BTBD9: variants seen among roughly 807,000 people sequenced by gnomAD.
BTBD9 encodes the protein BTB/POZ domain-containing protein 9.
A neutral mutation model predicts 64.3 loss-of-function variants in BTBD9; 49 were observed. That is an observed-to-expected ratio of 0.76 (90% CI 0.61 to 0.97). BTBD9 has a LOEUF of 0.97. BTBD9 is among the 50% of genes least tolerant of loss of function. BTBD9 has a pLI of 0.00. For missense variants in BTBD9, 598 were observed against 762.1 expected (o/e 0.78, Z 2.53); for synonymous variants, 260 against 274.7 (o/e 0.95, Z 0.53).
At chr6:38,493,457 T>A (rs1282889000) in intron 6 of BTBD9, among the ~76,000 whole-genome samples, 7 of 152,336 alleles carry the variant, frequency 4.6e-5, no homozygotes, top group South Asian at 2.1e-4. Context: ...GAAAATGAGG[T>A]CTCACTCATC....
At chr6:38,274,086 G>T (rs1168603630) in intron 8 of BTBD9, among the ~76,000 whole-genome samples, 1 of 152,228 alleles carries the variant, frequency 6.6e-6, no homozygotes, top group Non-Finnish European at 1.5e-5. Context: ...GAAGGAAGAG[G>T]TCCTTCACGT....
At chr6:38,351,609 T>A (rs1205373302) in intron 6 of BTBD9, among the ~76,000 whole-genome samples, 1 of 147,292 alleles carries the variant, frequency 6.8e-6, no homozygotes, top group Non-Finnish European at 1.5e-5. Flanking sequence ...TCACGCCATT[T>A]TCCTGCCTCA....
chr6:38,398,662 A>T lies in BTBD9; in HGVS notation c.1155-53569T>A, dbSNP rs1046978636. ...GCACACAGGTCCAGAAAAGAAGGAA[A>T]CCCCCAAAGAAGTTAGCTATGACAA... On this transcript the variant is annotated intron_variant, in intron 6 of 10. Coordinates refer to ENST00000481247, the MANE Select transcript of BTBD9 (RefSeq NM_001099272.2). Among the ~76,000 whole-genome samples, 4 of 152,294 alleles carry T rather than the reference A, an allele frequency of 2.6e-5. No individual in the cohort carries two copies. In the East Asian group the frequency reaches 5.8e-4, roughly 22 times the overall value.
chr6:38,456,895 A>T (rs1769838105), intron 6 of BTBD9, among the ~76,000 whole-genome samples: 1 of 152,214 alleles, frequency 6.6e-6, no homozygotes, highest in African/African-American at 2.4e-5. Context: ...TCACTAAATT[A>T]TCTGGCCTAG....
At chr6:38,368,849 A>C (rs542171547) in intron 6 of BTBD9, among the ~76,000 whole-genome samples, 1 of 152,142 alleles carries the variant, frequency 6.6e-6, no homozygotes, top group Admixed American at 6.5e-5. Context: ...ACTTCAGGGT[A>C]TTCTTCAATC....
At chr6:38,557,296 G>A (rs1775072840) in intron 6 of BTBD9, among the ~76,000 whole-genome samples, 1 of 152,126 alleles carries the variant, frequency 6.6e-6, no homozygotes, top group South Asian at 2.1e-4. Flanking sequence ...AGTGAGCCAA[G>A]ATCGTGCCAT....
At chr6:38,541,619 T>TC (rs1219544298) in intron 6 of BTBD9, among the ~76,000 whole-genome samples, 12 of 152,112 alleles carry the variant, frequency 7.9e-5, no homozygotes, top group African/African-American at 2.9e-4. Flanking sequence ...GTGCCTGTAG[T>TC]CCCAGGTAGT....
rs142875816 is a variant in BTBD9 at position 38,294,677 on chromosome 6, A to G, written c.1265-6216T>C. Among the ~76,000 whole-genome samples the G allele has an allele frequency of 5.0e-3, 758 of 152,322 alleles. 9 individuals are homozygous for G. Among genetic ancestry groups the G allele is most frequent in the African/African-American group, 0.017 (723 of 41,580 alleles). On this transcript the variant is annotated intron_variant, in intron 7 of 10. Coordinates refer to ENST00000481247, the MANE Select transcript of BTBD9 (RefSeq NM_001099272.2). Reference sequence around the variant, plus strand: ...GGGGGTGGGGATCTAGGAGAGGGATAGCATTACGAGAAATACCTAATGTAG... The same window carrying G: ...GGGGGTGGGGATCTAGGAGAGGGATGGCATTACGAGAAATACCTAATGTAG...
At chr6:38,438,156 G>C (rs1265728954) in intron 6 of BTBD9, among the ~76,000 whole-genome samples, 2 of 144,216 alleles carry the variant, frequency 1.4e-5, no homozygotes, top group African/African-American at 5.1e-5. Flanking sequence ...ATTCAGTAAG[G>C]CCAAACAGGA....
chr6:38,203,117 A>G (rs1762520959), intron 9 of BTBD9, among the ~76,000 whole-genome samples: 1 of 152,214 alleles, frequency 6.6e-6, no homozygotes, highest in African/African-American at 2.4e-5. Context: ...TCAAAACCAC[A>G]ATGAGATATC....
chr6:38,403,451 C>T (rs1379996059), intron 6 of BTBD9, among the ~76,000 whole-genome samples: 3 of 151,988 alleles, frequency 2.0e-5, no homozygotes, highest in Non-Finnish European at 2.9e-5. Context: ...CAAATAAAAC[C>T]CTGTAAATCC....
intron 7 of BTBD9, among the ~76,000 whole-genome samples, chr6:38,310,901 G>A (rs767089479): frequency 2.6e-5 from 4 of 152,086 alleles, no homozygotes; most frequent in Non-Finnish European, 5.9e-5. Flanking sequence ...ACCTCCCCCC[G>A]GGTTCAAGCA....
intron 9 of BTBD9, among the ~76,000 whole-genome samples, chr6:38,208,788 C>G (rs1045060454): frequency 6.6e-6 from 1 of 152,192 alleles, no homozygotes; most frequent in African/African-American, 2.4e-5. Context: ...TCCATTCACC[C>G]TGTTTGTCCA....
intron 7 of BTBD9, among the ~76,000 whole-genome samples, chr6:38,297,352 T>A (rs543541115): frequency 6.6e-6 from 1 of 152,068 alleles, no homozygotes; most frequent in South Asian, 2.1e-4. Context: ...GGCAACAGAG[T>A]GAGACTGACT....
At chr6:38,439,737 C>T (rs1319204625) in intron 6 of BTBD9, among the ~76,000 whole-genome samples, 1 of 152,104 alleles carries the variant, frequency 6.6e-6, no homozygotes, top group Non-Finnish European at 1.5e-5. Context: ...GCAACTGTGA[C>T]TTTTAATTTG....
chr6:38,623,173 A>C (rs1307802879), intron 1 of BTBD9, among the ~76,000 whole-genome samples: 1 of 152,160 alleles, frequency 6.6e-6, no homozygotes, highest in East Asian at 1.9e-4. Context: ...TATTCTTCTT[A>C]TGTGGAATGT....
chr6:38,598,254 T>C lies in BTBD9; in HGVS notation c.-27-133A>G. On this transcript the variant is annotated intron_variant, in intron 1 of 10. Transcript: ENST00000481247. Reference sequence around the variant, plus strand: ...CCTATGAGAGAGTTAATCAATGGTATCCTTATTAACCCATTTATTTTGAGA... The same window carrying C: ...CCTATGAGAGAGTTAATCAATGGTACCCTTATTAACCCATTTATTTTGAGA... The C allele has an allele frequency of 6.2e-6, 4 of 643,726 alleles. No individual in the cohort carries two copies. The East Asian group carries it at 1.1e-4, about 18-fold the overall frequency. 39.9% of individuals were successfully genotyped at this position (643,726 alleles called of 1,614,324 possible).
At chr6:38,284,174 G>C (rs1761627038) in intron 8 of BTBD9, among the ~76,000 whole-genome samples, 1 of 151,856 alleles carries the variant, frequency 6.6e-6, no homozygotes, top group Admixed American at 6.6e-5. Context: ...TCAATTGCAT[G>C]GATTTTTTTT....
At chr6:38,508,113 G>A (rs566547755) in intron 6 of BTBD9, among the ~76,000 whole-genome samples, 1 of 152,008 alleles carries the variant, frequency 6.6e-6, no homozygotes, top group African/African-American at 2.4e-5. Context: ...GATTACAGGC[G>A]TGAGCCACCG....
Sources: allele counts gnomAD v4.1 joint callset (sites outside exome capture counted in the v4.1 genomes callset), GRCh38; gene constraint gnomAD v4.1.1; transcripts MANE v1.5; gene names NCBI Gene and HGNC (gene_info 2026-07-23, HGNC 2026-07-21).